ZBTB20: variants seen among roughly 807,000 people sequenced by gnomAD.
ZBTB20 encodes zinc finger and BTB domain containing 20.
ZBTB20 carries 9 observed loss-of-function variants against 56.9 expected under a neutral mutation model. The observed-to-expected ratio is 0.16, with a 90% CI of 0.10 to 0.28. The LOEUF (loss-of-function observed/expected upper bound fraction) is 0.28. Ranked by LOEUF, ZBTB20 falls within the 10% of genes least tolerant of loss-of-function variation. The probability of loss-of-function intolerance (pLI) is 1.00; values close to 1 mark genes in which losing one functional copy is unlikely to be tolerated. For missense variants in ZBTB20, 655 were observed against 1,003.0 expected, an observed-to-expected ratio of 0.65 and a Z score of 4.69; for synonymous variants, 417 against 420.7, an observed-to-expected ratio of 0.99 and a Z score of 0.11.
At chr3:114,674,116 T>C (rs1055484950) in intron 6 of ZBTB20, among the ~76,000 whole-genome samples, 1 of 152,192 alleles carries the variant, frequency 6.6e-6, no homozygotes, top group African/African-American at 2.4e-5. Flanking sequence ...ATTAGATTCA[T>C]GAAGATTCTT....
At chr3:114,739,391 C>T (rs115299831) in intron 5 of ZBTB20, among the ~76,000 whole-genome samples, 90 of 152,294 alleles carry the variant, frequency 5.9e-4, no homozygotes, top group African/African-American at 2.0e-3. Context: ...ATGTTACATG[C>T]TTCCTCACAG....
At chr3:114,616,245 T>C (rs1281933582) in intron 6 of ZBTB20, among the ~76,000 whole-genome samples, 3 of 152,186 alleles carry the variant, frequency 2.0e-5, no homozygotes, top group African/African-American at 7.2e-5. Flanking sequence ...AACATACACA[T>C]ACAAGCTTTA....
chr3:114,609,418 C>A (rs2244062), intron 6 of ZBTB20, among the ~76,000 whole-genome samples: 152,347 of 152,358 alleles, frequency 1, 76,168 homozygotes, highest in Middle Eastern at 1. Context: ...TATCAAATTA[C>A]ACTGGTAAAC....
chr3:114,915,700 T>C (rs1265501569), intron 3 of ZBTB20, among the ~76,000 whole-genome samples: 1 of 152,016 alleles, frequency 6.6e-6, no homozygotes, highest in Non-Finnish European at 1.5e-5. Context: ...GTTTTTCTAC[T>C]TTCTTGATGT....
intron 1 of ZBTB20, among the ~76,000 whole-genome samples, chr3:115,125,657 G>A (rs1403484025): frequency 6.6e-6 from 1 of 152,128 alleles, no homozygotes; most frequent in Admixed American, 6.5e-5. Flanking sequence ...ACAGTATGGT[G>A]ACTATAGTTA....
At chr3:114,915,851 C>T (rs1345221148) in intron 3 of ZBTB20, among the ~76,000 whole-genome samples, 1 of 151,946 alleles carries the variant, frequency 6.6e-6, no homozygotes, top group African/African-American at 2.4e-5. Flanking sequence ...GTTTAATTTC[C>T]ATGTGTCTGT....
intron 5 of ZBTB20, among the ~76,000 whole-genome samples, chr3:114,748,334 C>CTTTCTTTCTTCT (rs762103705): frequency 3.6e-3 from 208 of 57,178 alleles, no homozygotes; most frequent in Admixed American, 5.0e-3. Context: ...TTCTTTCTTT[C>CTTTCTTTCTTCT]TTCTTTCTTT....
chr3:114,718,096 T>C (rs1163875507), intron 5 of ZBTB20, among the ~76,000 whole-genome samples: 7 of 152,112 alleles, frequency 4.6e-5, no homozygotes, highest in Non-Finnish European at 8.8e-5. Context: ...GTAGAAAATC[T>C]TATTCTTGGT....
chr3:114,506,603 T>C (rs941166951), intron 6 of ZBTB20, among the ~76,000 whole-genome samples: 2 of 152,166 alleles, frequency 1.3e-5, no homozygotes, highest in African/African-American at 4.8e-5. Context: ...CTTTCTCTTC[T>C]ATATCTTAAA....
At chr3:114,700,141 T>C (rs1252268610) in intron 5 of ZBTB20, among the ~76,000 whole-genome samples, 1 of 152,102 alleles carries the variant, frequency 6.6e-6, no homozygotes, top group East Asian at 1.9e-4. Context: ...CTTTAGAGTC[T>C]TTGCCTCCTG....
intron 6 of ZBTB20, among the ~76,000 whole-genome samples, chr3:114,586,695 G>T (rs1264309007): frequency 1.3e-5 from 2 of 152,160 alleles, no homozygotes; most frequent in Admixed American, 1.3e-4. Flanking sequence ...AGTGAATGGA[G>T]ACCCTGGCAG....
chr3:114,460,770 TG>T (rs1251523753), intron 7 of ZBTB20, among the ~76,000 whole-genome samples: 1 of 152,236 alleles, frequency 6.6e-6, no homozygotes, highest in Non-Finnish European at 1.5e-5. Context: ...TCAGCTACCT[TG>T]ATCTGGACAT....
chr3:114,572,443 C>T (rs562996673), intron 6 of ZBTB20, among the ~76,000 whole-genome samples: 19 of 152,304 alleles, frequency 1.2e-4, no homozygotes, highest in Non-Finnish European at 2.2e-4. Flanking sequence ...ATGCACTTTG[C>T]CAGAACCTGA....
At chr3:114,747,517 C>T (rs907153416) in intron 5 of ZBTB20, among the ~76,000 whole-genome samples, 3 of 152,040 alleles carry the variant, frequency 2.0e-5, no homozygotes, top group South Asian at 4.1e-4. Flanking sequence ...TGAGCAAAGA[C>T]TGAGCCACTA....
chr3:114,917,035 T>C (rs2075771728), intron 3 of ZBTB20, among the ~76,000 whole-genome samples: 2 of 152,098 alleles, frequency 1.3e-5, no homozygotes, highest in South Asian at 4.1e-4. Context: ...CCCTGTTGAG[T>C]ATCTTGTAGG....
At chr3:114,967,971 G>A (rs2077717363) in intron 3 of ZBTB20, among the ~76,000 whole-genome samples, 1 of 148,966 alleles carries the variant, frequency 6.7e-6, no homozygotes, top group Non-Finnish European at 1.5e-5. Flanking sequence ...AAAAAAAAAA[G>A]AGTTGATCTC....
intron 6 of ZBTB20, among the ~76,000 whole-genome samples, chr3:114,666,313 C>T (rs565633582): frequency 6.6e-6 from 1 of 151,990 alleles, no homozygotes; most frequent in Non-Finnish European, 1.5e-5. Flanking sequence ...AGAAATTTTA[C>T]AAGTTAACAG....
At chr3:114,816,635 T>C (rs940196116) in intron 4 of ZBTB20, among the ~76,000 whole-genome samples, 8 of 152,150 alleles carry the variant, frequency 5.3e-5, no homozygotes, top group African/African-American at 1.9e-4. Flanking sequence ...AAGCCCAAAG[T>C]ATGGGAGTTT....
intron 7 of ZBTB20, among the ~76,000 whole-genome samples, chr3:114,497,610 A>G (rs1340478100): frequency 6.6e-6 from 1 of 152,104 alleles, no homozygotes; most frequent in Admixed American, 6.5e-5. Flanking sequence ...ACCACATCCA[A>G]GTGGGCACTC....
Sources: gnomAD v4.1 joint callset for allele counts (sites outside exome capture counted in the v4.1 genomes callset) on GRCh38, gnomAD v4.1.1 for gene constraint, MANE v1.5 for transcripts, NCBI Gene and HGNC (gene_info 2026-07-23, HGNC 2026-07-21) for gene names.